FHOD3: variants seen among roughly 807,000 people sequenced by gnomAD.
The protein encoded by FHOD3 is formin homology 2 domain containing 3.
A neutral mutation model predicts 173.0 loss-of-function variants in FHOD3; 90 were observed. The observed-to-expected ratio is 0.52, with a 90% CI of 0.44 to 0.62. The LOEUF (loss-of-function observed/expected upper bound fraction) is 0.62. Ranked by LOEUF, FHOD3 falls within the 20% of genes least tolerant of loss-of-function variation. The pLI is 0.00. For synonymous variants in FHOD3, 828 were observed against 823.0 expected, an observed-to-expected ratio of 1.01 and a Z score of -0.10; for missense variants, 1,945 against 2,034.7, an observed-to-expected ratio of 0.96 and a Z score of 0.85.
chr18:36,690,126 C>G (rs1393951096), intron 16 of FHOD3, among the ~76,000 whole-genome samples: 1 of 152,162 alleles, frequency 6.6e-6, no homozygotes, highest in Admixed American at 6.5e-5. Flanking sequence ...TTGTCTCTCT[C>G]TCCCACTGAA....
At chr18:36,361,707 A>T (rs529925378) in intron 2 of FHOD3, among the ~76,000 whole-genome samples, 1 of 151,890 alleles carries the variant, frequency 6.6e-6, no homozygotes, top group Non-Finnish European at 1.5e-5. Context: ...AAAAAGAAAA[A>T]AAAAGAAAAA....
At position 36,704,592 on chromosome 18, in the gene FHOD3, C is replaced by T. The variant is rs138144837; in HGVS notation, c.2237-4503C>T. Among the ~76,000 whole-genome samples the T allele has an allele frequency of 7.2e-5, 11 of 152,284 alleles. No individual in the cohort carries two copies. The East Asian group carries it at 2.1e-3, about 30-fold the overall frequency. On this transcript the variant is annotated intron_variant, in intron 17 of 28. Transcript: ENST00000590592. ...TTGGGGTATCACAGTCACTCCTGAG[C>T]CTCCCTTGAAGATGCTTAGAGGCAT...
intron 3 of FHOD3, among the ~76,000 whole-genome samples, chr18:36,477,487 C>A (rs139316912): frequency 2.3e-5 from 1 of 44,228 alleles, no homozygotes; most frequent in Non-Finnish European, 3.8e-5. Flanking sequence ...ACTCACCCAC[C>A]CATCCATCCA....
At chr18:36,451,224 C>A (rs2051823739) in intron 3 of FHOD3, among the ~76,000 whole-genome samples, 3 of 152,208 alleles carry the variant, frequency 2.0e-5, no homozygotes, top group African/African-American at 7.2e-5. Context: ...ATGAACATTT[C>A]ATGGCTCCAT....
rs1456089076 is a variant in FHOD3 at position 36,762,939 on chromosome 18, TATA to T, written c.4624+2161_4624+2163del. On this transcript the variant is annotated intron_variant, in intron 27 of 28. Transcript: ENST00000590592. ...ATATATGTGTATTATATACATTATATATAATATGTGTATTATATACGTTATATA... is the reference window on the plus strand; with the variant it reads ...ATATATGTGTATTATATACATTATATATATGTGTATTATATACGTTATATA... 2.4e-4 allele frequency among the ~76,000 whole-genome samples: 35 copies of T among 147,112 alleles called. No homozygotes were observed. The East Asian group carries it at 3.2e-3, about 13-fold the overall frequency.
intron 3 of FHOD3, among the ~76,000 whole-genome samples, chr18:36,419,604 AAT>A (rs2049879269): frequency 6.6e-6 from 1 of 152,232 alleles, no homozygotes; most frequent in Admixed American, 6.5e-5. Context: ...TGTAAGAGCA[AAT>A]GCAGAAAGCA....
intron 10 of FHOD3, among the ~76,000 whole-genome samples, chr18:36,628,094 G>T (rs1046268481): frequency 3.3e-5 from 5 of 152,160 alleles, no homozygotes; most frequent in African/African-American, 4.8e-5. Flanking sequence ...TTAGAAAGGG[G>T]TTCATATTGT....
chr18:36,401,794 G>A (rs2048822652), intron 3 of FHOD3, among the ~76,000 whole-genome samples: 2 of 152,166 alleles, frequency 1.3e-5, no homozygotes, highest in East Asian at 1.9e-4. Context: ...TCCCTCACAC[G>A]GTATGTAGCA....
At chr18:36,642,582 C>CAAAA (rs35920197) in intron 10 of FHOD3, among the ~76,000 whole-genome samples, 7 of 61,780 alleles carry the variant, frequency 1.1e-4, no homozygotes, top group African/African-American at 2.0e-4. Flanking sequence ...GACTCCGTCT[C>CAAAA]AAAAAAAAAA....
chr18:36,760,081 G>A (rs1261234325), intron 26 of FHOD3, among the ~76,000 whole-genome samples: 2 of 152,140 alleles, frequency 1.3e-5, no homozygotes, highest in East Asian at 3.8e-4. Context: ...GTGGGACTAG[G>A]TCTAGAAGAA....
intron 1 of FHOD3, among the ~76,000 whole-genome samples, chr18:36,302,447 T>C (rs1387010933): frequency 6.6e-6 from 1 of 152,050 alleles, no homozygotes; most frequent in Non-Finnish European, 1.5e-5. Context: ...GGCCTGGTGA[T>C]TTTTGTGCAC....
chr18:36,723,669 G>A (rs2040906646), intron 19 of FHOD3, among the ~76,000 whole-genome samples: 1 of 152,182 alleles, frequency 6.6e-6, no homozygotes, highest in Non-Finnish European at 1.5e-5. Context: ...GCAAAGGTCT[G>A]TCGCCTTTCA....
intron 10 of FHOD3, among the ~76,000 whole-genome samples, chr18:36,627,879 TC>T (rs1157975673): frequency 6.6e-6 from 1 of 152,124 alleles, no homozygotes; most frequent in Admixed American, 6.5e-5. Flanking sequence ...TTGTGTTCTG[TC>T]CCCTGCAGAC....
At chr18:36,498,845 A>G (rs543315884) in intron 3 of FHOD3, among the ~76,000 whole-genome samples, 1 of 152,326 alleles carries the variant, frequency 6.6e-6, no homozygotes, top group South Asian at 2.1e-4. Context: ...TTTTTCTAAT[A>G]TTTAATTTGT....
chr18:36,758,039 G>A (rs74576810), intron 25 of FHOD3, among the ~76,000 whole-genome samples: 173 of 152,248 alleles, frequency 1.1e-3, no homozygotes, highest in African/African-American at 3.8e-3. Flanking sequence ...GATGTTGAGC[G>A]GGCCAATATT....
chr18:36,696,683 A>G (rs188636489), intron 17 of FHOD3, among the ~76,000 whole-genome samples: 2 of 152,316 alleles, frequency 1.3e-5, no homozygotes, highest in East Asian at 1.9e-4. Flanking sequence ...TTAATTTTCC[A>G]TCTGACCCTC....
intron 3 of FHOD3, among the ~76,000 whole-genome samples, chr18:36,422,659 G>A (rs1192594008): frequency 1.3e-5 from 2 of 152,198 alleles, no homozygotes; most frequent in Non-Finnish European, 2.9e-5. Flanking sequence ...TCTGCAGGCT[G>A]ACCTAAGGGG....
At chr18:36,354,909 G>A (rs1317451542) in intron 1 of FHOD3, among the ~76,000 whole-genome samples, 2 of 152,190 alleles carry the variant, frequency 1.3e-5, no homozygotes, top group African/African-American at 4.8e-5. Context: ...AACCCGGGAG[G>A]TGGAGGTTGC....
chr18:36,772,941 A>G (rs1018813775), intron 28 of FHOD3, among the ~76,000 whole-genome samples: 4 of 152,208 alleles, frequency 2.6e-5, no homozygotes, highest in Non-Finnish European at 4.4e-5. Context: ...GAGGGTACCT[A>G]TGCATGAGCA....
Sources: gnomAD v4.1 joint callset for allele counts (sites outside exome capture counted in the v4.1 genomes callset) on GRCh38, gnomAD v4.1.1 for gene constraint, MANE v1.5 for transcripts, NCBI Gene and HGNC (gene_info 2026-07-23, HGNC 2026-07-21) for gene names.